PITPNC1: variants seen among roughly 807,000 people sequenced by gnomAD.
PITPNC1 encodes the protein cytoplasmic phosphatidylinositol transfer protein 1.
A neutral mutation model predicts 44.7 loss-of-function variants in PITPNC1; 18 were observed. That is an observed-to-expected ratio of 0.40 (90% CI 0.28 to 0.60). The LOEUF (loss-of-function observed/expected upper bound fraction) is 0.60. PITPNC1 is among the 20% of genes least tolerant of loss of function. The probability of loss-of-function intolerance (pLI) is 0.39; values close to 1 mark genes in which losing one functional copy is unlikely to be tolerated. For missense variants in PITPNC1, 290 were observed against 418.4 expected (o/e 0.69, Z 2.68); for synonymous variants, 141 against 149.6 (o/e 0.94, Z 0.42).
intron 1 of PITPNC1, among the ~76,000 whole-genome samples, chr17:67,495,040 G>GTTTTTTGTTTTTTTTT (rs2039927033): frequency 1.5e-5 from 1 of 64,704 alleles, no homozygotes; most frequent in Non-Finnish European, 2.7e-5. Flanking sequence ...CCATGGAGTT[G>GTTTTTTGTTTTTTTTT]TTTTTTTTTT....
chr17:67,535,419 A>G (rs940411403), intron 2 of PITPNC1, among the ~76,000 whole-genome samples: 3 of 152,198 alleles, frequency 2.0e-5, no homozygotes, highest in African/African-American at 4.8e-5. Flanking sequence ...CTTGGCATAC[A>G]ATTGCATTCT....
chr17:67,510,778 T>C (rs2040175251), intron 1 of PITPNC1, among the ~76,000 whole-genome samples: 1 of 152,088 alleles, frequency 6.6e-6, no homozygotes, highest in Non-Finnish European at 1.5e-5. Flanking sequence ...TTTGTATTTT[T>C]AGTAGAGCAA....
chr17:67,596,054 T>G (rs1360621120), intron 5 of PITPNC1, among the ~76,000 whole-genome samples: 1 of 152,204 alleles, frequency 6.6e-6, no homozygotes, highest in Non-Finnish European at 1.5e-5. Flanking sequence ...TTATTATCAT[T>G]CCTACAAAGG....
At chr17:67,409,068 A>ATTTT (rs2038449910) in intron 1 of PITPNC1, among the ~76,000 whole-genome samples, 8 of 102,244 alleles carry the variant, frequency 7.8e-5, no homozygotes, top group Non-Finnish European at 1.3e-4. Flanking sequence ...GTCCAAATTC[A>ATTTT]TTCTTTTTTT....
intron 2 of PITPNC1, among the ~76,000 whole-genome samples, chr17:67,545,718 A>C (rs898129891): frequency 6.6e-6 from 1 of 152,172 alleles, no homozygotes; most frequent in Admixed American, 6.5e-5. Flanking sequence ...TTACTTGACT[A>C]TGTGAATATT....
chr17:67,392,025 C>T (rs375909005), intron 1 of PITPNC1, among the ~76,000 whole-genome samples: 2 of 152,168 alleles, frequency 1.3e-5, no homozygotes, highest in South Asian at 4.2e-4. Context: ...AGAACCACCC[C>T]TACACTCTTG....
At position 67,676,002 on chromosome 17, in the gene PITPNC1, C is replaced by T. The variant is rs1040892497; in HGVS notation, c.682+460C>T. On this transcript the variant is annotated intron_variant, in intron 8 of 8. Coordinates refer to ENST00000581322, the MANE Select transcript of PITPNC1 (RefSeq NM_012417.4). The surrounding 1 kb of genome is among the most constrained non-coding windows in gnomAD (Gnocchi z 4.0). The stretch of plus-strand genomic sequence containing the variant: ...CGGGCAGATCACGAGGTCAGGAGAT[C>T]GAGACCATCCTGGCTAACACGGTGA... Among the ~76,000 whole-genome samples the T allele has an allele frequency of 3.9e-5, 6 of 152,092 alleles. No homozygotes were observed. Among genetic ancestry groups the T allele is most frequent in the Admixed American group, 3.9e-4 (6 of 15,264 alleles).
chr17:67,387,303 TACAAGTGGAAACATC>T (rs1239924589), intron 1 of PITPNC1, among the ~76,000 whole-genome samples: 3 of 152,206 alleles, frequency 2.0e-5, no homozygotes, highest in Non-Finnish European at 4.4e-5. Context: ...CTCATGGGTT[TACAAGTGGAAACATC>T]ACACCCTTAG....
intron 1 of PITPNC1, among the ~76,000 whole-genome samples, chr17:67,416,646 G>C (rs2038593869): frequency 6.6e-6 from 1 of 152,160 alleles, no homozygotes; most frequent in African/African-American, 2.4e-5. Context: ...CAGGGATGCT[G>C]TTGCACTGGC....
intron 5 of PITPNC1, among the ~76,000 whole-genome samples, chr17:67,586,219 G>C (rs2144247421): frequency 6.6e-6 from 1 of 152,124 alleles, no homozygotes; most frequent in East Asian, 1.9e-4. Flanking sequence ...ACTTATTCAA[G>C]GATTTTAAAC....
intron 2 of PITPNC1, among the ~76,000 whole-genome samples, chr17:67,549,847 T>C (rs2040735254): frequency 6.6e-6 from 1 of 152,146 alleles, no homozygotes; most frequent in Admixed American, 6.5e-5. Context: ...ATGCCTGGCT[T>C]ACGTGAGGGA....
At chr17:67,398,008 G>T (rs1002965076) in intron 1 of PITPNC1, among the ~76,000 whole-genome samples, 2 of 151,768 alleles carry the variant, frequency 1.3e-5, no homozygotes, top group Non-Finnish European at 2.9e-5. Context: ...CAGGAGAATG[G>T]TGTGAACCCG....
At chr17:67,430,227 C>T (rs2038835219) in intron 1 of PITPNC1, among the ~76,000 whole-genome samples, 1 of 152,172 alleles carries the variant, frequency 6.6e-6, no homozygotes. Context: ...AGAATGTTGG[C>T]TAGTGTGGTG....
intron 1 of PITPNC1, among the ~76,000 whole-genome samples, chr17:67,443,033 G>C (rs552270865): frequency 5.3e-4 from 81 of 152,126 alleles, no homozygotes; most frequent in African/African-American, 1.8e-3. Context: ...CTTCCTAACA[G>C]ACGACCAGTG....
intron 6 of PITPNC1, among the ~76,000 whole-genome samples, chr17:67,652,852 C>T (rs1408111068): frequency 6.6e-6 from 1 of 152,050 alleles, no homozygotes; most frequent in East Asian, 1.9e-4. Context: ...GGTTTGTGTC[C>T]CCCCAGAAAG....
intron 4 of PITPNC1, among the ~76,000 whole-genome samples, chr17:67,567,159 G>A (rs1422020918): frequency 2.0e-5 from 3 of 152,162 alleles, no homozygotes; most frequent in African/African-American, 7.2e-5. Context: ...CCTTTGGATT[G>A]TCATTTTGAC....
chr17:67,448,591 A>C (rs1196165023), intron 1 of PITPNC1, among the ~76,000 whole-genome samples: 1 of 152,026 alleles, frequency 6.6e-6, no homozygotes, highest in East Asian at 1.9e-4. Context: ...GCTCCACTGG[A>C]CCATTCTCTA....
chr17:67,645,564 G>A (rs1237733658), intron 6 of PITPNC1, among the ~76,000 whole-genome samples: 1 of 151,822 alleles, frequency 6.6e-6, no homozygotes, highest in Non-Finnish European at 1.5e-5. Flanking sequence ...CCACTTTATT[G>A]TTACTTAATT....
At chr17:67,585,981 A>G (rs2041310520) in intron 5 of PITPNC1, among the ~76,000 whole-genome samples, 1 of 152,148 alleles carries the variant, frequency 6.6e-6, no homozygotes, top group Non-Finnish European at 1.5e-5. Context: ...TACACCACCC[A>G]ATCTGTGGTG....
Sources: gnomAD v4.1 joint callset for allele counts (sites outside exome capture counted in the v4.1 genomes callset) on GRCh38, gnomAD v4.1.1 for gene constraint, Gnocchi (gnomAD v3.1) non-coding constraint, MANE v1.5 for transcripts, NCBI Gene and HGNC (gene_info 2026-07-23, HGNC 2026-07-21) for gene names.